Variants in STK3 observed in about 807,000 individuals in gnomAD.
The protein encoded by STK3 is serine/threonine-protein kinase 3.
Under a neutral mutation model 58.0 loss-of-function variants are expected in STK3, and 41 were observed. The observed-to-expected ratio is 0.71, with a 90% confidence interval of 0.55 to 0.92. STK3 has a LOEUF of 0.92. STK3 is among the 40% of genes least tolerant of loss of function. The pLI, the probability that STK3 is intolerant of heterozygous loss-of-function variation, is 0.00. For missense variants in STK3, 479 were observed against 602.7 expected, an observed-to-expected ratio of 0.79 and a Z score of 2.15; for synonymous variants, 170 against 191.0, an observed-to-expected ratio of 0.89 and a Z score of 0.91.
At chr8:98,742,720 T>C (rs557220756) in intron 4 of STK3, among the ~76,000 whole-genome samples, 1 of 151,758 alleles carries the variant, frequency 6.6e-6, no homozygotes, top group South Asian at 2.1e-4. Flanking sequence ...GTGTTGGAAG[T>C]TCTGGCCAGG....
the STK3 span, among the ~76,000 whole-genome samples, chr8:98,351,334 T>C: frequency 6.6e-6 from 1 of 152,206 alleles, no homozygotes; most frequent in African/African-American, 2.4e-5. Context: ...AATGGAGACA[T>C]AGTACAACTA....
intron 6 of STK3, among the ~76,000 whole-genome samples, chr8:98,702,377 T>G (rs1319295276): frequency 6.6e-6 from 1 of 152,266 alleles, no homozygotes; most frequent in African/African-American, 2.4e-5. Context: ...ACTTTCATTT[T>G]CTAATTTAGT....
At chr8:98,893,532 GAA>G (rs1195563463) in intron 1 of STK3, among the ~76,000 whole-genome samples, 6 of 127,394 alleles carry the variant, frequency 4.7e-5, no homozygotes, top group Non-Finnish European at 1.0e-4. Context: ...AAGAAAGAAA[GAA>G]AGAAAAAGAA....
intron 6 of STK3, among the ~76,000 whole-genome samples, chr8:98,701,123 T>C (rs952324875): frequency 6.6e-6 from 1 of 151,270 alleles, no homozygotes; most frequent in Non-Finnish European, 1.5e-5. Context: ...TGAGCTGTGA[T>C]TGTGCCACTG....
chr8:98,886,248 C>A (rs1195357013), intron 1 of STK3, among the ~76,000 whole-genome samples: 1 of 152,066 alleles, frequency 6.6e-6, no homozygotes, highest in Admixed American at 6.6e-5. Flanking sequence ...GTCAATTGTA[C>A]CAATGTCAAC....
intron 4 of STK3, among the ~76,000 whole-genome samples, chr8:98,738,551 G>C (rs985688539): frequency 2.6e-5 from 4 of 152,124 alleles, no homozygotes; most frequent in African/African-American, 9.7e-5. Flanking sequence ...CAAGGGAATT[G>C]CATCCCAAAC....
rs186912564 is a variant in STK3, at chr8:98,697,244, C to A, written c.684+9223G>T. 3.6e-3 allele frequency among the ~76,000 whole-genome samples: 541 copies of A among 152,262 alleles called. 3 individuals carry two copies. The highest frequency in any genetic ancestry group is 0.012 in the African/African-American group (514 of 41,554). ...TTTATTGTGTCTATTTGATTCTTCTCTCTTTTCTTCTTTATTAGTCTTGCT... is the reference window on the plus strand; with the variant it reads ...TTTATTGTGTCTATTTGATTCTTCTATCTTTTCTTCTTTATTAGTCTTGCT... On this transcript the variant is annotated intron_variant, in intron 6 of 10. Transcript: ENST00000419617.
At chr8:98,583,288 T>C (rs569993506) in intron 7 of STK3, among the ~76,000 whole-genome samples, 8 of 152,290 alleles carry the variant, frequency 5.3e-5, no homozygotes, top group Admixed American at 4.6e-4. Flanking sequence ...GTTAGAATCA[T>C]GGGAGCGAGG....
chr8:98,701,632 AT>A lies in STK3; in HGVS notation c.684+4834del, dbSNP rs1410345939. Among the ~76,000 whole-genome samples, 34 of 100,452 alleles carry A rather than the reference AT, an allele frequency of 3.4e-4. 1 individual carries two copies. The highest frequency in any genetic ancestry group is 1.4e-3 in the African/African-American group (24 of 17,514). 65.9% of individuals were successfully genotyped at this position (100,452 alleles called of 152,430 possible). A position where few individuals can be genotyped will look rare whatever the true frequency, so the allele number is the denominator to read the frequency against. On this transcript the variant is annotated intron_variant, in intron 6 of 10. Coordinates refer to ENST00000419617, the MANE Select transcript of STK3 (RefSeq NM_006281.4). ...GCGAGACTTTGTCTCAAAAAAAAAT[AT>A]ATATATATATATATCTATACACACA...
At chr8:98,401,087 C>T (rs1338087080), downstream of STK3, among the ~76,000 whole-genome samples, 1 of 152,186 alleles carries the variant, frequency 6.6e-6, no homozygotes, top group Non-Finnish European at 1.5e-5. Context: ...ACCTGGCTCT[C>T]TCTCTCGGGA....
At chr8:98,433,581 T>C (rs1055999918) in intron 3 of STK3, among the ~76,000 whole-genome samples, 18 of 143,832 alleles carry the variant, frequency 1.3e-4, no homozygotes, top group Non-Finnish European at 2.2e-4. Flanking sequence ...TGCTGCAAAA[T>C]GAGAAGGTTG....
intron 6 of STK3, among the ~76,000 whole-genome samples, chr8:98,647,046 C>T (rs1820452870): frequency 6.6e-6 from 1 of 152,190 alleles, no homozygotes; most frequent in Admixed American, 6.5e-5. Context: ...ATCTCACCTA[C>T]CTCCATCACC....
At chr8:98,498,715 A>C (rs1823346557) in intron 10 of STK3, among the ~76,000 whole-genome samples, 1 of 152,128 alleles carries the variant, frequency 6.6e-6, no homozygotes, top group African/African-American at 2.4e-5. Flanking sequence ...CTCTTTTTAG[A>C]ACACTTTCTT....
chr8:98,695,139 T>C (rs913769400), intron 6 of STK3, among the ~76,000 whole-genome samples: 1 of 152,240 alleles, frequency 6.6e-6, no homozygotes, highest in Non-Finnish European at 1.5e-5. Flanking sequence ...TTTGGTTGCA[T>C]AAATGTCTTC....
At chr8:98,446,709 C>A (rs1463442649) in intron 1 of STK3, among the ~76,000 whole-genome samples, 1 of 152,102 alleles carries the variant, frequency 6.6e-6, no homozygotes, top group Non-Finnish European at 1.5e-5. Flanking sequence ...AATAGAACTA[C>A]TATTTGACCC....
intron 3 of STK3, among the ~76,000 whole-genome samples, chr8:98,763,598 A>T (rs1830763328): frequency 6.6e-6 from 1 of 152,192 alleles, no homozygotes; most frequent in Non-Finnish European, 1.5e-5. Flanking sequence ...TCTTAATAAC[A>T]CATTTACATT....
chr8:98,790,476 T>A (rs1473834812), intron 1 of STK3, among the ~76,000 whole-genome samples: 1 of 152,112 alleles, frequency 6.6e-6, no homozygotes, highest in Non-Finnish European at 1.5e-5. Context: ...CATCCCTCTA[T>A]GATTAAAACT....
At chr8:98,597,345 T>C (rs778879998) in intron 6 of STK3, 17 of 985,400 alleles carry the variant, frequency 1.7e-5, no homozygotes, top group Non-Finnish European at 2.0e-5. Flanking sequence ...TTTTTACCAG[T>C]ATATGCATCT....
intron 2 of STK3, among the ~76,000 whole-genome samples, chr8:98,372,160 C>T (rs1051129029): frequency 6.6e-6 from 1 of 152,126 alleles, no homozygotes; most frequent in Non-Finnish European, 1.5e-5. Context: ...TAGGCAAAGG[C>T]AAGGAAAGAG....
Sources: allele counts gnomAD v4.1 joint callset (sites outside exome capture counted in the v4.1 genomes callset), GRCh38; gene constraint gnomAD v4.1.1; transcripts MANE v1.5; gene names NCBI Gene and HGNC (gene_info 2026-07-23, HGNC 2026-07-21).